The following TMEM114 variants were observed in gnomAD, a reference collection of about 807,000 sequenced individuals.
TMEM114 encodes transmembrane protein 114, also known as claudin-26.
In TMEM114, 6 loss-of-function variants were observed where a neutral mutation model predicts 6.2. That is an observed-to-expected ratio of 0.97 (90% confidence interval 0.53 to 1.91). The LOEUF is 1.91. Among genes scored for constraint, TMEM114 ranks in the 40% most tolerant of loss-of-function variants. The probability of loss-of-function intolerance (pLI) is 0.01; values close to 1 mark genes in which losing one functional copy is unlikely to be tolerated. For synonymous variants in TMEM114, 104 were observed against 73.0 expected (o/e 1.42, Z -2.16); for missense variants, 218 against 158.3 (o/e 1.38, Z -2.02).
In TMEM114 at chr16:8,564,467, G is replaced by A. The variant is rs1043391429; in HGVS notation, n.212+24746C>T. Among the ~76,000 whole-genome samples the A allele has an allele frequency of 9.5e-5, 14 of 147,472 alleles. 2 individuals are homozygous for A. The highest frequency in any genetic ancestry group is 3.6e-4 in the African/African-American group (14 of 38,588). ...GGAATGAGTGAGTGAGTAAATGAGT[G>A]AGGGAGGGACGGAGGGAATGAATGA... On this transcript the variant is annotated intron_variant and non_coding_transcript_variant, in intron 2 of 2. Coordinates refer to the TMEM114 transcript ENST00000623677.
chr16:8,538,032 C>G (rs1260732154), intron 2 of TMEM114, among the ~76,000 whole-genome samples: 1 of 147,826 alleles, frequency 6.8e-6, no homozygotes, highest in Non-Finnish European at 1.5e-5. Flanking sequence ...GGCGCCGTGA[C>G]TTACACCTGT....
chr16:8,555,836 G>A (rs1900992355), intron 2 of TMEM114, among the ~76,000 whole-genome samples: 1 of 152,196 alleles, frequency 6.6e-6, no homozygotes, highest in African/African-American at 2.4e-5. Flanking sequence ...ACAGAAGGAA[G>A]CTCCCAAGAA....
intron 2 of TMEM114, among the ~76,000 whole-genome samples, chr16:8,557,805 G>A (rs1464678511): frequency 6.6e-6 from 1 of 152,148 alleles, no homozygotes; most frequent in Admixed American, 6.5e-5. Context: ...TCATCATCTG[G>A]TAACGTGAGC....
chr16:8,548,586 C>G (rs1346256578), intron 2 of TMEM114, among the ~76,000 whole-genome samples: 4 of 151,964 alleles, frequency 2.6e-5, no homozygotes, highest in Non-Finnish European at 5.9e-5. Context: ...TTGTAGTATC[C>G]TAGACCTTTT....
At chr16:8,533,985 C>A (rs555619820), downstream of TMEM114, among the ~76,000 whole-genome samples, 2 of 152,188 alleles carry the variant, frequency 1.3e-5, no homozygotes, top group African/African-American at 4.8e-5. Flanking sequence ...TTCTGCCTGG[C>A]ACCCAGTACC....
chr16:8,555,470 CG>C (rs143376358), intron 2 of TMEM114, among the ~76,000 whole-genome samples: 53,506 of 137,628 alleles, frequency 0.39, 9,893 homozygotes, highest in East Asian at 0.52. Flanking sequence ...CAGTAATTTC[CG>C]GGTGGTGGGG....
At chr16:8,531,922 A>C in the TMEM114 span, 1 of 152,038 alleles carries the variant, frequency 6.6e-6, no homozygotes, top group Non-Finnish European at 1.5e-5. Flanking sequence ...ATGAGATAGG[A>C]AACCTACCTC....
chr16:8,587,233 A>C (rs1902346394), intron 2 of TMEM114, among the ~76,000 whole-genome samples: 1 of 152,182 alleles, frequency 6.6e-6, no homozygotes, highest in African/African-American at 2.4e-5. Flanking sequence ...TCATACAATA[A>C]ATACATATAT....
At chr16:8,553,427 C>T (rs577518953) in intron 2 of TMEM114, among the ~76,000 whole-genome samples, 110 of 152,254 alleles carry the variant, frequency 7.2e-4, no homozygotes, top group African/African-American at 2.5e-3. Flanking sequence ...GACTGAGTCT[C>T]ACTCTGTTGC....
At chr16:8,554,406 A>T (rs1482567844) in intron 2 of TMEM114, among the ~76,000 whole-genome samples, 1 of 151,950 alleles carries the variant, frequency 6.6e-6, no homozygotes, top group Non-Finnish European at 1.5e-5. Context: ...TAATAATAAT[A>T]ATAATAATAA....
chr16:8,553,619 G>A (rs1220433886), intron 2 of TMEM114, among the ~76,000 whole-genome samples: 1 of 152,158 alleles, frequency 6.6e-6, no homozygotes, highest in East Asian at 1.9e-4. Context: ...CCAAGTAGCT[G>A]GGACTGCCGG....
At chr16:8,557,268 C>T (rs1324073952) in intron 2 of TMEM114, among the ~76,000 whole-genome samples, 4 of 152,142 alleles carry the variant, frequency 2.6e-5, no homozygotes, top group Non-Finnish European at 5.9e-5. Flanking sequence ...ACAACTTCCA[C>T]CTTGCCCATG....
At chr16:8,542,729 A>G (rs1043493502) in intron 2 of TMEM114, among the ~76,000 whole-genome samples, 4 of 152,102 alleles carry the variant, frequency 2.6e-5, no homozygotes, top group African/African-American at 9.7e-5. Context: ...GAACAGGGGA[A>G]TTGGAGCCTG....
At chr16:8,527,636 C>G in the TMEM114 span, among the ~76,000 whole-genome samples, 1 of 152,126 alleles carries the variant, frequency 6.6e-6, no homozygotes, top group Admixed American at 6.5e-5. Flanking sequence ...TGTTCTGTGT[C>G]TTTTTATTCT....
chr16:8,535,056 G>A (rs1900317449), downstream of TMEM114, among the ~76,000 whole-genome samples: 1 of 152,146 alleles, frequency 6.6e-6, no homozygotes, highest in South Asian at 2.1e-4. Flanking sequence ...GCTATGGTGG[G>A]GAGTGGTGGT....
In TMEM114 at chr16:8,589,257, C is replaced by T; in HGVS notation, c.257G>A (p.Arg86Lys). 1 of 398,936 alleles carries T rather than the reference C, an allele frequency of 2.5e-6. No individual in the cohort carries two copies. The allele number at this position is 398,936 out of a possible 1,614,324, so 24.7% of individuals were successfully genotyped here. ...SPCTPLMNPF[R>K]LENVTVSESS... ...TTCGCTGACTGTCACGTTCTCCAGC[C>T]TGAAGGGGTTCATCAGCGGTGTGCA... Residue 86 changes from arginine to lysine, a missense_variant, in exon 2 of 4, where the codon AGG becomes AAG. Physicochemically the swap from Arg to Lys is conservative, Grantham distance 26. Coordinates refer to ENST00000620492, the MANE Select transcript of TMEM114 (RefSeq NM_001146336.2).
downstream of TMEM114, among the ~76,000 whole-genome samples, chr16:8,534,205 C>T: frequency 6.6e-6 from 1 of 152,170 alleles, no homozygotes; most frequent in East Asian, 1.9e-4. Flanking sequence ...AGTGTGATGA[C>T]TGGGGTAAGG....
downstream of TMEM114, among the ~76,000 whole-genome samples, chr16:8,568,353 A>G (rs959145830): frequency 6.6e-6 from 1 of 152,170 alleles, no homozygotes; most frequent in African/African-American, 2.4e-5. Context: ...GGCGTGGAGA[A>G]TAGCACAGGT....
chr16:8,553,773 G>A (rs889838375), intron 2 of TMEM114, among the ~76,000 whole-genome samples: 5 of 151,818 alleles, frequency 3.3e-5, no homozygotes, highest in African/African-American at 7.3e-5. Flanking sequence ...GAGCCACTGC[G>A]CCTGCCCAAT....
Sources: gnomAD v4.1 joint callset for allele counts (sites outside exome capture counted in the v4.1 genomes callset) on GRCh38, gnomAD v4.1.1 for gene constraint, MANE v1.5 for transcripts, NCBI Gene and HGNC (gene_info 2026-07-23, HGNC 2026-07-21) for gene names.